Variants in PTPRT observed in about 807,000 individuals in gnomAD.
PTPRT encodes receptor-type tyrosine-protein phosphatase T.
PTPRT carries 56 observed loss-of-function variants against 176.8 expected under a neutral mutation model. The ratio of observed to expected loss-of-function variants is 0.32; its 90% confidence interval spans 0.26 to 0.40. The LOEUF (loss-of-function observed/expected upper bound fraction) is 0.40, where lower values mean the gene tolerates loss of function less well. PTPRT is among the 10% of genes least tolerant of loss of function. The pLI is 1.00. For synonymous variants in PTPRT, 783 were observed against 739.0 expected (o/e 1.06, Z -0.96); for missense variants, 1,540 against 1,908.2 (o/e 0.81, Z 3.60).
chr20:42,526,841 T>C (rs1005563585), intron 7 of PTPRT, among the ~76,000 whole-genome samples: 1 of 152,110 alleles, frequency 6.6e-6, no homozygotes. Flanking sequence ...ACATTCCTTA[T>C]GGTACATAGC....
At chr20:43,180,341 A>ATCTCTCAATC (rs2015220837) in intron 1 of PTPRT, among the ~76,000 whole-genome samples, 2 of 115,018 alleles carry the variant, frequency 1.7e-5, no homozygotes, top group Non-Finnish European at 1.8e-5. Flanking sequence ...AAATGAATCA[A>ATCTCTCAATC]TCTCTCTCTC....
At chr20:42,226,479 G>C (rs933861013) in intron 15 of PTPRT, among the ~76,000 whole-genome samples, 1 of 152,170 alleles carries the variant, frequency 6.6e-6, no homozygotes, top group Non-Finnish European at 1.5e-5. Flanking sequence ...CTTTGGAAGA[G>C]ATAAATCCCT....
intron 9 of PTPRT, among the ~76,000 whole-genome samples, chr20:42,398,782 G>C (rs1304731067): frequency 1.3e-5 from 2 of 152,060 alleles, no homozygotes. Flanking sequence ...CCAACATTTA[G>C]TGGCTTAAAA....
intron 8 of PTPRT, among the ~76,000 whole-genome samples, chr20:42,449,994 G>A (rs1601046885): frequency 6.6e-6 from 1 of 152,014 alleles, no homozygotes; most frequent in South Asian, 2.1e-4. Context: ...AACTCCTACT[G>A]TGCATATTTC....
chr20:42,671,830 A>G (rs971430633), intron 7 of PTPRT, among the ~76,000 whole-genome samples: 3 of 152,240 alleles, frequency 2.0e-5, no homozygotes, highest in Admixed American at 2.0e-4. Context: ...GATTATCTCA[A>G]CAGAACAGCA....
chr20:42,663,743 T>A (rs974109449), intron 7 of PTPRT, among the ~76,000 whole-genome samples: 9 of 152,174 alleles, frequency 5.9e-5, no homozygotes, highest in African/African-American at 1.7e-4. Context: ...CTCTTTTTTT[T>A]AAAACTTCCT....
At chr20:42,895,466 A>G (rs910545972) in intron 1 of PTPRT, among the ~76,000 whole-genome samples, 3 of 152,190 alleles carry the variant, frequency 2.0e-5, no homozygotes, top group Admixed American at 2.0e-4. Context: ...TCACTAAGAT[A>G]AGCTAATCAA....
intron 7 of PTPRT, among the ~76,000 whole-genome samples, chr20:42,637,867 G>C (rs2074642654): frequency 6.6e-6 from 1 of 152,136 alleles, no homozygotes; most frequent in Non-Finnish European, 1.5e-5. Flanking sequence ...ACAAAGCTAA[G>C]AGGGTAAAGG....
At chr20:42,974,462 A>C (rs1236762509) in intron 1 of PTPRT, among the ~76,000 whole-genome samples, 1 of 151,926 alleles carries the variant, frequency 6.6e-6, no homozygotes, top group Non-Finnish European at 1.5e-5. Flanking sequence ...ATCATACCTC[A>C]GTGCACGCGC....
chr20:42,106,532 T>G (rs1986459719), intron 24 of PTPRT, among the ~76,000 whole-genome samples: 1 of 152,154 alleles, frequency 6.6e-6, no homozygotes, highest in African/African-American at 2.4e-5. Flanking sequence ...TTGGATGGCC[T>G]CAGAGATGGA....
intron 1 of PTPRT, among the ~76,000 whole-genome samples, chr20:42,911,304 G>A (rs895592030): frequency 2.0e-5 from 3 of 152,104 alleles, no homozygotes; most frequent in Middle Eastern, 3.4e-3. Flanking sequence ...CAAACATGTA[G>A]AACCAAGAAA....
rs2057951596 is a variant in PTPRT at position 42,330,502 on chromosome 20, T to TA, written c.1866-14507_1866-14506insT. Among the ~76,000 whole-genome samples, 3 of 150,554 alleles carry TA rather than the reference T, an allele frequency of 2.0e-5. No homozygotes were observed. In the East Asian group the frequency reaches 5.9e-4, roughly 30 times the overall value. Reference sequence around the variant, plus strand: ...AAAAAATAAAATAAATAAAAAATAATTAAAATATCCACTAGCCAACAGCTC... The same window carrying TA: ...AAAAAATAAAATAAATAAAAAATAATATAAAATATCCACTAGCCAACAGCTC... On this transcript the variant is annotated intron_variant, in intron 11 of 30. Coordinates refer to ENST00000373187, the MANE Select transcript of PTPRT (RefSeq NM_007050.6).
intron 1 of PTPRT, among the ~76,000 whole-genome samples, chr20:43,087,618 C>G (rs1011897052): frequency 1.3e-5 from 2 of 152,108 alleles, no homozygotes; most frequent in African/African-American, 4.8e-5. Context: ...CCTGCCTCGG[C>G]CTCCCAAAGT....
rs369486981 is a variant in PTPRT at position 42,863,482 on chromosome 20, C to G, written c.214+22325G>C. ...ATCATTCAATGCAGATGTTTTCTTC[C>G]TCTTTAGAACAAGAGTCAAGCCATA... is the stretch of plus-strand genomic sequence containing the variant. On this transcript the variant is annotated intron_variant, in intron 2 of 30. Coordinates refer to ENST00000373187, the MANE Select transcript of PTPRT (RefSeq NM_007050.6). Among the ~76,000 whole-genome samples, 24 of 152,310 alleles carry G rather than the reference C, an allele frequency of 1.6e-4. No homozygotes were observed. In the East Asian group the frequency reaches 3.9e-3, roughly 24 times the overall value.
At chr20:42,121,217 A>T (rs1367853981) in intron 19 of PTPRT, among the ~76,000 whole-genome samples, 1 of 152,208 alleles carries the variant, frequency 6.6e-6, no homozygotes, top group Non-Finnish European at 1.5e-5. Context: ...ATGATTTTGC[A>T]GGCACCTTCC....
intron 2 of PTPRT, among the ~76,000 whole-genome samples, chr20:42,873,279 C>T (rs962424766): frequency 6.6e-6 from 1 of 152,190 alleles, no homozygotes; most frequent in Non-Finnish European, 1.5e-5. Flanking sequence ...GGGCAAGTTG[C>T]TTAATCTCTT....
At chr20:43,174,524 C>T (rs750568640) in intron 1 of PTPRT, among the ~76,000 whole-genome samples, 1 of 152,214 alleles carries the variant, frequency 6.6e-6, no homozygotes, top group Non-Finnish European at 1.5e-5. Flanking sequence ...ATTTTCATAA[C>T]TCTTGAATCT....
rs146615868 is a variant in PTPRT, at chr20:42,596,519, G to A, written c.1153+81347C>T. On this transcript the variant is annotated intron_variant, in intron 7 of 30. Coordinates refer to ENST00000373187, the MANE Select transcript of PTPRT (RefSeq NM_007050.6). ...CTCCTCACCAAATACCATAAACAAT[G>A]TTTGAAAATAAAAACAAAATTGTCA... 3.2e-4 allele frequency among the ~76,000 whole-genome samples: 49 copies of A among 152,238 alleles called. No individual in the cohort carries two copies. The East Asian group carries it at 8.7e-3, about 27-fold the overall frequency.
intron 18 of PTPRT, among the ~76,000 whole-genome samples, chr20:42,139,308 C>A (rs1453760355): frequency 6.6e-6 from 1 of 152,132 alleles, no homozygotes; most frequent in East Asian, 1.9e-4. Flanking sequence ...AAGGTGGTAT[C>A]GTCAAGGTGC....
Sources: gnomAD v4.1 joint callset for allele counts (sites outside exome capture counted in the v4.1 genomes callset) on GRCh38, gnomAD v4.1.1 for gene constraint, MANE v1.5 for transcripts, NCBI Gene and HGNC (gene_info 2026-07-23, HGNC 2026-07-21) for gene names.